Variants in KCNIP1 observed in about 807,000 individuals in gnomAD.
KCNIP1 encodes A-type potassium channel modulatory protein KCNIP1.
In KCNIP1, 18 loss-of-function variants were observed where a neutral mutation model predicts 33.0. The ratio of observed to expected loss-of-function variants is 0.55; its 90% confidence interval spans 0.38 to 0.81. The LOEUF (loss-of-function observed/expected upper bound fraction) is 0.81. Among genes scored for constraint, KCNIP1 ranks in the 30% least tolerant of loss-of-function variants. KCNIP1 has a pLI of 0.00. For synonymous variants in KCNIP1, 93 were observed against 98.3 expected (o/e 0.95, Z 0.32); for missense variants, 238 against 271.6 (o/e 0.88, Z 0.87).
chr5:170,524,038 C>T (rs1277366722), intron 1 of KCNIP1, among the ~76,000 whole-genome samples: 1 of 152,196 alleles, frequency 6.6e-6, no homozygotes, highest in Non-Finnish European at 1.5e-5. Flanking sequence ...GTCTGGGCTC[C>T]ATGGTCTGCC....
intron 1 of KCNIP1, among the ~76,000 whole-genome samples, chr5:170,619,051 T>C (rs1341657466): frequency 6.6e-6 from 1 of 152,076 alleles, no homozygotes; most frequent in Non-Finnish European, 1.5e-5. Context: ...TAGCACATGG[T>C]AAGTGTTCCA....
At chr5:170,518,799 C>A (rs2113297707) in intron 1 of KCNIP1, among the ~76,000 whole-genome samples, 1 of 152,314 alleles carries the variant, frequency 6.6e-6, no homozygotes, top group African/African-American at 2.4e-5. Context: ...TCTGTGCTAA[C>A]TGATCACAGG....
chr5:170,424,088 G>A (rs1211937929), intron 1 of KCNIP1, among the ~76,000 whole-genome samples: 2 of 152,186 alleles, frequency 1.3e-5, no homozygotes, highest in African/African-American at 4.8e-5. Context: ...CGCCATCACT[G>A]CCGTCAAAGC....
intron 1 of KCNIP1, among the ~76,000 whole-genome samples, chr5:170,697,770 T>C (rs1229781794): frequency 6.6e-6 from 1 of 152,076 alleles, no homozygotes; most frequent in African/African-American, 2.4e-5. Flanking sequence ...ATAATGAACA[T>C]AAAGCTCTCA....
intron 1 of KCNIP1, among the ~76,000 whole-genome samples, chr5:170,586,365 G>C (rs1757989721): frequency 6.6e-6 from 1 of 152,228 alleles, no homozygotes; most frequent in African/African-American, 2.4e-5. Flanking sequence ...TGACGATGAT[G>C]ATGAAGATGC....
intron 1 of KCNIP1, among the ~76,000 whole-genome samples, chr5:170,644,737 GC>G (rs1760717423): frequency 6.6e-6 from 1 of 152,206 alleles, no homozygotes; most frequent in African/African-American, 2.4e-5. Context: ...GCTCTGTAAG[GC>G]CCCCAGAATA....
intron 1 of KCNIP1, among the ~76,000 whole-genome samples, chr5:170,569,406 C>T (rs1757318790): frequency 6.6e-6 from 1 of 152,270 alleles, no homozygotes; most frequent in African/African-American, 2.4e-5. Flanking sequence ...AGACCTCACT[C>T]TGGGCAGGCC....
intron 1 of KCNIP1, among the ~76,000 whole-genome samples, chr5:170,471,413 C>T (rs200226137): frequency 5.3e-5 from 8 of 152,220 alleles, no homozygotes; most frequent in Non-Finnish European, 8.8e-5. Flanking sequence ...CAGACCAGAT[C>T]GGATGACCAA....
At chr5:170,413,550 G>C (rs980565544) in intron 1 of KCNIP1, among the ~76,000 whole-genome samples, 1 of 152,186 alleles carries the variant, frequency 6.6e-6, no homozygotes, top group African/African-American at 2.4e-5. Context: ...CTGCAAGATG[G>C]GAATGGTACC....
chr5:170,435,589 A>C (rs78186505), intron 1 of KCNIP1, among the ~76,000 whole-genome samples: 11,376 of 152,220 alleles, frequency 0.075, 534 homozygotes, highest in Middle Eastern at 0.14. Context: ...GCATAAGATG[A>C]TGCTGAAGGC....
intron 1 of KCNIP1, among the ~76,000 whole-genome samples, chr5:170,678,068 A>G (rs1329560122): frequency 6.6e-6 from 1 of 152,230 alleles, no homozygotes; most frequent in Non-Finnish European, 1.5e-5. Flanking sequence ...TTTCTCATCA[A>G]ATGAAGGATG....
intron 1 of KCNIP1, among the ~76,000 whole-genome samples, chr5:170,533,191 G>A (rs1755845777): frequency 6.6e-6 from 1 of 151,558 alleles, no homozygotes; most frequent in South Asian, 2.1e-4. Context: ...GTCACTGAGT[G>A]TGTGTGTGTG....
At chr5:170,557,635 A>G (rs1413167693) in intron 1 of KCNIP1, among the ~76,000 whole-genome samples, 2 of 152,188 alleles carry the variant, frequency 1.3e-5, no homozygotes, top group African/African-American at 4.8e-5. Flanking sequence ...ACAACATCCT[A>G]TTTGAGCCAC....
chr5:170,732,764 G>T (rs1489819634), intron 5 of KCNIP1, 36 bp from the exon 6 acceptor site: 1 of 1,416,662 alleles, frequency 7.1e-7, no homozygotes, highest in East Asian at 2.3e-5. Flanking sequence ...TGACCTCATG[G>T]TTTCCACACT....
chr5:170,671,520 T>G (rs551175447), intron 1 of KCNIP1, among the ~76,000 whole-genome samples: 82 of 152,346 alleles, frequency 5.4e-4, no homozygotes, highest in Admixed American at 1.2e-3. Flanking sequence ...CAGCCTGGGT[T>G]GGGCCTTATC....
intron 5 of KCNIP1, among the ~76,000 whole-genome samples, chr5:170,726,910 C>CA (rs1561786510): frequency 6.7e-6 from 1 of 150,288 alleles, no homozygotes. Flanking sequence ...GACCCTGTCT[C>CA]AAAAAAAGAA....
intron 1 of KCNIP1, among the ~76,000 whole-genome samples, chr5:170,589,794 T>TGCAGTGCG (rs1554103000): frequency 2.7e-5 from 3 of 113,164 alleles, no homozygotes; most frequent in African/African-American, 3.0e-5. Context: ...TGTGATGTGG[T>TGCAGTGCG]GTGCGGTGCG....
chr5:170,732,700 C>G (rs767185444), intron 5 of KCNIP1, 100 bp from the exon 6 acceptor site: 30 of 739,348 alleles, frequency 4.1e-5, no homozygotes, highest in Non-Finnish European at 7.0e-5. Context: ...CTTTTAATCA[C>G]TTTCATTGCC....
At chr5:170,568,986 G>A (rs1757301932) in intron 1 of KCNIP1, among the ~76,000 whole-genome samples, 1 of 152,118 alleles carries the variant, frequency 6.6e-6, no homozygotes, top group South Asian at 2.1e-4. Flanking sequence ...TCCTCTGCTG[G>A]ATCGGGATAG....
Sources: allele counts gnomAD v4.1 joint callset (sites outside exome capture counted in the v4.1 genomes callset), GRCh38; gene constraint gnomAD v4.1.1; transcripts MANE v1.5; gene names NCBI Gene and HGNC (gene_info 2026-07-23, HGNC 2026-07-21).